Variants in TENM4 observed in about 807,000 individuals in gnomAD.
The protein encoded by TENM4 is teneurin transmembrane protein 4, also known as teneurin-4.
TENM4 carries 82 observed loss-of-function variants against 243.3 expected under a neutral mutation model. That is an observed-to-expected ratio of 0.34 (90% CI 0.28 to 0.40). The LOEUF (loss-of-function observed/expected upper bound fraction) is 0.40, where lower values mean the gene tolerates loss of function less well. Ranked by LOEUF, TENM4 falls within the 10% of genes least tolerant of loss-of-function variation. The probability of loss-of-function intolerance (pLI) is 1.00; values close to 1 mark genes in which losing one functional copy is unlikely to be tolerated. For missense variants in TENM4, 3,138 were observed against 3,673.3 expected, an observed-to-expected ratio of 0.85 and a Z score of 3.77; for synonymous variants, 1,412 against 1,456.3, an observed-to-expected ratio of 0.97 and a Z score of 0.69.
intron 6 of TENM4, among the ~76,000 whole-genome samples, chr11:79,030,715 T>C (rs1260195689): frequency 6.6e-6 from 1 of 152,144 alleles, no homozygotes; most frequent in East Asian, 1.9e-4. Flanking sequence ...GTGATCCTTC[T>C]TACTTACTGC....
At chr11:79,121,298 G>A (rs548001743) in intron 4 of TENM4, among the ~76,000 whole-genome samples, 1 of 152,214 alleles carries the variant, frequency 6.6e-6, no homozygotes, top group South Asian at 2.1e-4. Flanking sequence ...AAAATAATCT[G>A]GGCTTGAGGA....
chr11:79,236,756 G>A (rs763677555), intron 2 of TENM4, among the ~76,000 whole-genome samples: 7 of 152,092 alleles, frequency 4.6e-5, no homozygotes, highest in Non-Finnish European at 1.0e-4. Flanking sequence ...ACTCCCTTGC[G>A]GCGAGACCCA....
At chr11:79,388,002 A>G (rs901178226) in intron 1 of TENM4, among the ~76,000 whole-genome samples, 2 of 152,194 alleles carry the variant, frequency 1.3e-5, no homozygotes, top group Non-Finnish European at 2.9e-5. Flanking sequence ...AAATAAAACA[A>G]AATAAACAAA....
At chr11:79,022,135 G>T (rs1436181004) in intron 6 of TENM4, among the ~76,000 whole-genome samples, 1 of 152,164 alleles carries the variant, frequency 6.6e-6, no homozygotes, top group Non-Finnish European at 1.5e-5. Context: ...CAAATAATCT[G>T]ATGCTTTACC....
At chr11:79,079,557 C>T (rs1273657848) in intron 4 of TENM4, among the ~76,000 whole-genome samples, 4 of 152,128 alleles carry the variant, frequency 2.6e-5, no homozygotes, top group East Asian at 3.9e-4. Flanking sequence ...AGGCTGGGCA[C>T]GGTGGCTCAC....
chr11:79,400,296 C>T (rs1362709475), intron 1 of TENM4, among the ~76,000 whole-genome samples: 1 of 151,998 alleles, frequency 6.6e-6, no homozygotes, highest in Non-Finnish European at 1.5e-5. Flanking sequence ...GCTCCATGGT[C>T]CGCTTCCTTA....
intron 19 of TENM4, among the ~76,000 whole-genome samples, chr11:78,741,296 A>G (rs1362360116): frequency 6.6e-6 from 1 of 152,074 alleles, no homozygotes; most frequent in Non-Finnish European, 1.5e-5. Flanking sequence ...GCAAATGTTT[A>G]ATGACCGACT....
intron 12 of TENM4, among the ~76,000 whole-genome samples, chr11:78,823,475 TCAG>T (rs1259396967): frequency 1.3e-5 from 2 of 152,128 alleles, no homozygotes; most frequent in Non-Finnish European, 2.9e-5. Flanking sequence ...AACTTAGCAT[TCAG>T]GAGCAGGAGC....
At chr11:79,323,068 G>A (rs113597919) in intron 1 of TENM4, among the ~76,000 whole-genome samples, 14 of 152,322 alleles carry the variant, frequency 9.2e-5, no homozygotes, top group African/African-American at 3.1e-4. Context: ...GGCACTCACA[G>A]TAGATACTTT....
intron 1 of TENM4, among the ~76,000 whole-genome samples, chr11:79,346,274 C>T (rs147980776): frequency 4.6e-5 from 7 of 152,250 alleles, no homozygotes; most frequent in Middle Eastern, 6.8e-3. Context: ...CGATGTCAGC[C>T]GGACAGTACC....
At chr11:79,094,994 G>A (rs1442179975) in intron 4 of TENM4, among the ~76,000 whole-genome samples, 4 of 152,216 alleles carry the variant, frequency 2.6e-5, no homozygotes, top group African/African-American at 7.2e-5. Context: ...CTTCTCCCCT[G>A]CAAGGAGGCT....
intron 3 of TENM4, among the ~76,000 whole-genome samples, chr11:79,210,184 A>T (rs1365495553): frequency 6.6e-6 from 1 of 152,044 alleles, no homozygotes; most frequent in Non-Finnish European, 1.5e-5. Flanking sequence ...CACTGTCCTA[A>T]CTCCTTTGAC....
chr11:78,914,975 T>C (rs1254313754), intron 6 of TENM4, among the ~76,000 whole-genome samples: 2 of 152,236 alleles, frequency 1.3e-5, no homozygotes, highest in African/African-American at 2.4e-5. Flanking sequence ...AACTGGGTTA[T>C]GTTGCTTCCC....
chr11:79,034,605 G>A (rs1859330276), intron 6 of TENM4, among the ~76,000 whole-genome samples: 2 of 151,948 alleles, frequency 1.3e-5, no homozygotes, highest in Admixed American at 6.6e-5. Flanking sequence ...TTTTAAATTA[G>A]GTATCTATGG....
chr11:79,238,425 G>A (rs1376321664), intron 2 of TENM4, among the ~76,000 whole-genome samples: 2 of 152,124 alleles, frequency 1.3e-5, no homozygotes, highest in African/African-American at 2.4e-5. Context: ...GGCAGAGGGA[G>A]GGTGAATTTG....
At chr11:78,889,248 G>T (rs1855610289) in intron 9 of TENM4, among the ~76,000 whole-genome samples, 1 of 152,160 alleles carries the variant, frequency 6.6e-6, no homozygotes, top group Non-Finnish European at 1.5e-5. Context: ...CCTGACCATG[G>T]TTTAACTCTG....
At position 78,805,281 on chromosome 11, in the gene TENM4, C is replaced by CACCCAACACAA; in HGVS notation, c.2179+10_2179+11insTTGTGTTGGGT. ...TCCCTCTACCCATGCTTCTTCTCCC[C>CACCCAACACAA]CTGCATTTACCGATAGAACAGTCGT... On this transcript the variant is annotated intron_variant, in intron 15 of 33. Coordinates refer to ENST00000278550, the MANE Select transcript of TENM4 (RefSeq NM_001098816.3). 4 of 1,488,490 alleles carry CACCCAACACAA rather than the reference C, an allele frequency of 2.7e-6. No individual in the cohort carries two copies. Among genetic ancestry groups the CACCCAACACAA allele is most frequent in the African/African-American group, 1.4e-5 (1 of 70,242 alleles). 92.2% of individuals were successfully genotyped at this position (1,488,490 alleles called of 1,614,324 possible). A position where few individuals can be genotyped will look rare whatever the true frequency, so the allele number is the denominator to read the frequency against.
intron 12 of TENM4, among the ~76,000 whole-genome samples, chr11:78,847,310 C>T (rs1858419812): frequency 6.6e-6 from 1 of 152,172 alleles, no homozygotes; most frequent in African/African-American, 2.4e-5. Flanking sequence ...TCTTTCCTGC[C>T]CTTGCAATTC....
chr11:79,202,598 G>A (rs1863763839), intron 3 of TENM4, among the ~76,000 whole-genome samples: 1 of 152,230 alleles, frequency 6.6e-6, no homozygotes, highest in South Asian at 2.1e-4. Flanking sequence ...GCGGTGGCTT[G>A]TTGTTTGGGG....
Sources: allele counts gnomAD v4.1 joint callset (sites outside exome capture counted in the v4.1 genomes callset), GRCh38; gene constraint gnomAD v4.1.1; transcripts MANE v1.5; gene names NCBI Gene and HGNC (gene_info 2026-07-23, HGNC 2026-07-21).